The following ERO1A variants were observed in gnomAD, a reference collection of about 807,000 sequenced individuals.
ERO1A encodes ERO1-like protein alpha.
Under a neutral mutation model 76.9 loss-of-function variants are expected in ERO1A, and 49 were observed. That is an observed-to-expected ratio of 0.64 (90% CI 0.51 to 0.81). The LOEUF is 0.81. Ranked by LOEUF, ERO1A falls within the 30% of genes least tolerant of loss-of-function variation. The pLI, the probability that ERO1A is intolerant of heterozygous loss-of-function variation, is 0.00. For synonymous variants in ERO1A, 174 were observed against 181.2 expected (o/e 0.96, Z 0.32); for missense variants, 448 against 542.1 (o/e 0.83, Z 1.72).
chr14:52,659,322 T>C (rs2040153777), intron 9 of ERO1A, among the ~76,000 whole-genome samples: 1 of 152,210 alleles, frequency 6.6e-6, no homozygotes. Flanking sequence ...TACATGACTC[T>C]ACCTATCAAG....
chr14:52,644,414 GTCAA>G (rs1286316266), intron 15 of ERO1A, among the ~76,000 whole-genome samples: 8 of 152,084 alleles, frequency 5.3e-5, no homozygotes, highest in African/African-American at 1.2e-4. Context: ...GATCACGTCG[GTCAA>G]TCAATCAATC....
chr14:52,649,113 T>C (rs2039767706), intron 13 of ERO1A, among the ~76,000 whole-genome samples: 1 of 152,174 alleles, frequency 6.6e-6, no homozygotes, highest in South Asian at 2.1e-4. Flanking sequence ...ACTTACAGAT[T>C]TTCCTTGTTT....
At chr14:52,665,573 A>T (rs1340960690) in intron 7 of ERO1A, among the ~76,000 whole-genome samples, 1 of 152,158 alleles carries the variant, frequency 6.6e-6, no homozygotes, top group Non-Finnish European at 1.5e-5. Flanking sequence ...AACTCCAAAG[A>T]CTTTCCCAGA....
chr14:52,692,950 A>G (rs1242769889), intron 1 of ERO1A, among the ~76,000 whole-genome samples: 2 of 124,642 alleles, frequency 1.6e-5, no homozygotes, highest in East Asian at 4.7e-4. Context: ...TACTGGCCCT[A>G]TTGTTTCACT....
rs80051650 is a variant in ERO1A, at chr14:52,648,185, A to AT, written c.1126-1725dup. 1.6e-3 allele frequency among the ~76,000 whole-genome samples: 241 copies of AT among 150,390 alleles called. 1 individual carries two copies. Among genetic ancestry groups the AT allele is most frequent in the African/African-American group, 4.8e-3 (197 of 41,130 alleles). On this transcript the variant is annotated intron_variant, in intron 13 of 15. Coordinates refer to ENST00000395686, the MANE Select transcript of ERO1A (RefSeq NM_014584.3). ...CAGTACCTGTACAGTAAGAGGTACTATTTTTTTTTTATTTTTATGACCACA... is the reference window on the plus strand; with the variant it reads ...CAGTACCTGTACAGTAAGAGGTACTATTTTTTTTTTTATTTTTATGACCACA...
rs909496173 is a variant in ERO1A at position 52,646,041 on chromosome 14, T to C, written c.1346+113A>G. ...ACAGACCAAAACTCCGTCTCAAAAA[T>C]AAATAAACAAATAAAATAAAAAGGA... On this transcript the variant is annotated intron_variant, in intron 15 of 15. Coordinates refer to ENST00000395686, the MANE Select transcript of ERO1A (RefSeq NM_014584.3). 5 of 1,250,936 alleles carry C rather than the reference T, an allele frequency of 4.0e-6. No individual in the cohort carries two copies. In the South Asian group the frequency reaches 5.0e-5, roughly 13 times the overall value. 77.5% of individuals were successfully genotyped at this position (1,250,936 alleles called of 1,614,324 possible).
At chr14:52,674,619 C>A (rs1594830710) in intron 4 of ERO1A, among the ~76,000 whole-genome samples, 5 of 152,320 alleles carry the variant, frequency 3.3e-5, no homozygotes, top group Admixed American at 3.3e-4. Flanking sequence ...TTAATTCATT[C>A]TTTGACTCTG....
At chr14:52,680,082 C>CAAAAAAAAAAAAAAAAAAAAAAAAAAA (rs35358193) in intron 3 of ERO1A, among the ~76,000 whole-genome samples, 1 of 90,932 alleles carries the variant, frequency 1.1e-5, no homozygotes, top group Non-Finnish European at 2.2e-5. Flanking sequence ...AAAACACAAA[C>CAAAAAAAAAAAAAAAAAAAAAAAAAAA]AAAAAAAAAA....
intron 6 of ERO1A, among the ~76,000 whole-genome samples, chr14:52,670,405 G>A (rs568861396): frequency 6.6e-6 from 1 of 152,330 alleles, no homozygotes; most frequent in Non-Finnish European, 1.5e-5. Context: ...TTTTGAGACG[G>A]AGTCTCGCTC....
intron 15 of ERO1A, among the ~76,000 whole-genome samples, chr14:52,644,207 G>A (rs769069515): frequency 1.3e-5 from 2 of 151,928 alleles, no homozygotes; most frequent in African/African-American, 2.4e-5. Flanking sequence ...TAATCCCAGC[G>A]CTTTGGGAGG....
chr14:52,666,817 G>C (rs1171945432), intron 6 of ERO1A, among the ~76,000 whole-genome samples: 2 of 152,200 alleles, frequency 1.3e-5, no homozygotes, highest in African/African-American at 4.8e-5. Context: ...TGTAGTCCCA[G>C]CTACTCGAGA....
chr14:52,667,715 G>C (rs542684825), intron 6 of ERO1A, among the ~76,000 whole-genome samples: 1 of 152,072 alleles, frequency 6.6e-6, no homozygotes, highest in South Asian at 2.1e-4. Flanking sequence ...CAGTGAGACT[G>C]TGTCTCAAAA....
chr14:52,692,881 C>T (rs1278697379), intron 1 of ERO1A, among the ~76,000 whole-genome samples: 3 of 151,814 alleles, frequency 2.0e-5, no homozygotes, highest in Non-Finnish European at 2.9e-5. Context: ...ATTTTCTCTG[C>T]ATGTCTATTC....
At chr14:52,662,336 T>A (rs1320493348) in intron 8 of ERO1A, among the ~76,000 whole-genome samples, 1 of 152,192 alleles carries the variant, frequency 6.6e-6, no homozygotes, top group Non-Finnish European at 1.5e-5. Context: ...TGACTCTGTA[T>A]AAACTCAAAA....
intron 1 of ERO1A, among the ~76,000 whole-genome samples, chr14:52,691,782 T>C (rs5017629): frequency 0.1 from 15,442 of 152,282 alleles, 1,003 homozygotes; most frequent in South Asian, 0.24. Context: ...CATATTAAGA[T>C]TGATAAAACA....
chr14:52,687,405 G>A (rs1312796768), intron 1 of ERO1A, among the ~76,000 whole-genome samples: 3 of 152,190 alleles, frequency 2.0e-5, no homozygotes, highest in East Asian at 1.9e-4. Flanking sequence ...ACTCCAGCCT[G>A]GGCAATGGGA....
At chr14:52,643,681 T>G (rs2039550136) in intron 15 of ERO1A, 51 bp from the exon 16 acceptor site, 5 of 983,282 alleles carry the variant, frequency 5.1e-6, no homozygotes, top group Non-Finnish European at 7.3e-6. Context: ...AAATTTTATC[T>G]GTAAAAGTTA....
At chr14:52,659,799 TTGTGTG>T in intron 9 of ERO1A, among the ~76,000 whole-genome samples, 1 of 148,932 alleles carries the variant, frequency 6.7e-6, no homozygotes. Flanking sequence ...AGTTCAGTGT[TTGTGTG>T]TGTGTGTGTG....
rs1397954284 is a variant in ERO1A at position 52,646,467 on chromosome 14, A to G, written c.1126-6T>C. 2.5e-6 allele frequency: 4 copies of G among 1,589,858 alleles called. 1 individual carries two copies. Among genetic ancestry groups the G allele is most frequent in the Non-Finnish European group, 3.4e-6 (4 of 1,164,584 alleles). On this transcript the variant is annotated splice_polypyrimidine_tract_variant and splice_region_variant and intron_variant, in intron 13 of 15. Coordinates refer to ENST00000395686, the MANE Select transcript of ERO1A (RefSeq NM_014584.3). ...AAATGCAGTCGAAAGTCCTCCTGAA[A>G]ACAATTTAACAAGATTTTATTAAGA...
Sources: allele counts gnomAD v4.1 joint callset (sites outside exome capture counted in the v4.1 genomes callset), GRCh38; gene constraint gnomAD v4.1.1; transcripts MANE v1.5; gene names NCBI Gene and HGNC (gene_info 2026-07-23, HGNC 2026-07-21).